The following ADAMTSL1 variants were observed in gnomAD, a reference collection of about 807,000 sequenced individuals.
The protein encoded by ADAMTSL1 is ADAMTS like 1.
ADAMTSL1 carries 126 observed loss-of-function variants against 201.8 expected under a neutral mutation model. The observed-to-expected ratio is 0.62, with a 90% CI of 0.54 to 0.72. ADAMTSL1 has a LOEUF of 0.72. Among genes scored for constraint, ADAMTSL1 ranks in the 30% least tolerant of loss-of-function variants. ADAMTSL1 has a pLI of 0.00. For synonymous variants in ADAMTSL1, 1,121 were observed against 903.4 expected, an observed-to-expected ratio of 1.24 and a Z score of -4.32; for missense variants, 2,679 against 2,277.8, an observed-to-expected ratio of 1.18 and a Z score of -3.59.
intron 2 of ADAMTSL1, among the ~76,000 whole-genome samples, chr9:18,251,521 C>G (rs1468552938): frequency 6.6e-6 from 1 of 152,102 alleles, no homozygotes; most frequent in East Asian, 1.9e-4. Flanking sequence ...ATTATAAATG[C>G]TTATCCTTTA....
intron 1 of ADAMTSL1, among the ~76,000 whole-genome samples, chr9:18,150,568 A>G (rs1826863577): frequency 6.6e-6 from 1 of 152,062 alleles, no homozygotes; most frequent in African/African-American, 2.4e-5. Flanking sequence ...GAAAGGAAGG[A>G]AAACCTTTGG....
intron 2 of ADAMTSL1, among the ~76,000 whole-genome samples, chr9:18,445,424 A>G (rs1210804623): frequency 6.6e-6 from 1 of 152,160 alleles, no homozygotes; most frequent in Non-Finnish European, 1.5e-5. Context: ...ATACAAAATG[A>G]TACCCTTGTG....
intron 2 of ADAMTSL1, among the ~76,000 whole-genome samples, chr9:18,174,289 T>C (rs1828039310): frequency 6.6e-6 from 1 of 152,166 alleles, no homozygotes; most frequent in Non-Finnish European, 1.5e-5. Flanking sequence ...ATGCCTATCC[T>C]AAATAGACCA....
chr9:18,486,065 G>C (rs914479571), intron 1 of ADAMTSL1, among the ~76,000 whole-genome samples: 2 of 152,162 alleles, frequency 1.3e-5, no homozygotes, highest in African/African-American at 4.8e-5. Flanking sequence ...GTGCCAGCTG[G>C]GTGCTAGGGT....
intron 1 of ADAMTSL1, among the ~76,000 whole-genome samples, chr9:18,031,751 C>T (rs1313545185): frequency 1.3e-5 from 2 of 152,164 alleles, no homozygotes; most frequent in African/African-American, 2.4e-5. Flanking sequence ...CTGCATTCTC[C>T]CCTCCTTTAG....
At chr9:18,493,996 A>T (rs1205206373) in intron 1 of ADAMTSL1, among the ~76,000 whole-genome samples, 1 of 152,232 alleles carries the variant, frequency 6.6e-6, no homozygotes, top group East Asian at 1.9e-4. Context: ...TGTGTAAACA[A>T]GTAACTATAC....
At chr9:18,809,548 G>C (rs1823374638) in intron 20 of ADAMTSL1, among the ~76,000 whole-genome samples, 1 of 152,192 alleles carries the variant, frequency 6.6e-6, no homozygotes, top group South Asian at 2.1e-4. Flanking sequence ...CCAGCACTTT[G>C]GGAGGCCAAA....
chr9:17,928,014 A>G (rs1004411979), intron 1 of ADAMTSL1, among the ~76,000 whole-genome samples: 8 of 131,312 alleles, frequency 6.1e-5, no homozygotes, highest in African/African-American at 2.3e-4. Flanking sequence ...TTTTTTTTTG[A>G]GACAGGGTCT....
In ADAMTSL1 at chr9:18,882,508, C is replaced by A. The variant is rs150416756; in HGVS notation, c.4250-5323C>A. On this transcript the variant is annotated intron_variant, in intron 23 of 28. Coordinates refer to ENST00000380548, the MANE Select transcript of ADAMTSL1 (RefSeq NM_001040272.6). ...GGAACGAGCATTTTACTCCAGGCTA[C>A]AATTAGGGTTGGAGGGTATAGGTGC... 1.6e-4 allele frequency among the ~76,000 whole-genome samples: 24 copies of A among 152,250 alleles called. No homozygotes were observed. The East Asian group carries it at 4.2e-3, about 27-fold the overall frequency.
intron 6 of ADAMTSL1, 144 bp from the exon 7 acceptor site, chr9:18,639,110 T>A (rs1827282604): frequency 1.4e-6 from 1 of 716,998 alleles, no homozygotes; most frequent in Non-Finnish European, 2.3e-6. Context: ...TATAGTTTGT[T>A]GATATCACAA....
At chr9:18,572,564 C>A (rs1181469640) in intron 3 of ADAMTSL1, among the ~76,000 whole-genome samples, 1 of 152,030 alleles carries the variant, frequency 6.6e-6, no homozygotes. Flanking sequence ...AGTAAAATGT[C>A]TTTGACATTT....
Position 18,908,735 on chromosome 9 carries a change from G to A in ADAMTSL1, c.*187G>A, listed in dbSNP as rs1475775666. ...GTCCGCGTGTTTTCTCTTTCAGTTA[G>A]CTGGAGGACAGGATGTTGGGAAAGG... On this transcript the variant is annotated 3_prime_UTR_variant, in exon 29 of 29. Transcript: ENST00000380548. 1.8e-6 allele frequency: 1 copy of A among 553,326 alleles called. No homozygotes were observed. The highest frequency in any genetic ancestry group is 3.2e-6 in the Non-Finnish European group (1 of 309,622). 34.3% of individuals were successfully genotyped at this position (553,326 alleles called of 1,614,324 possible). A position where few individuals can be genotyped will look rare whatever the true frequency, so the allele number is the denominator to read the frequency against.
chr9:18,275,877 C>G (rs1039631323), intron 2 of ADAMTSL1, among the ~76,000 whole-genome samples: 1 of 152,014 alleles, frequency 6.6e-6, no homozygotes, highest in Non-Finnish European at 1.5e-5. Flanking sequence ...TAAATCCTAC[C>G]TCAGGGTAGG....
chr9:18,161,463 A>T (rs1290367515), intron 1 of ADAMTSL1, among the ~76,000 whole-genome samples: 1 of 152,080 alleles, frequency 6.6e-6, no homozygotes, highest in Non-Finnish European at 1.5e-5. Context: ...TGGATTTTTG[A>T]AGAAATGTTT....
At chr9:18,146,823 A>T (rs539541753) in intron 1 of ADAMTSL1, among the ~76,000 whole-genome samples, 1 of 152,144 alleles carries the variant, frequency 6.6e-6, no homozygotes, top group African/African-American at 2.4e-5. Flanking sequence ...ATTGAAAAAT[A>T]TTACAAGAAT....
chr9:17,997,821 G>GA (rs576091137), intron 1 of ADAMTSL1, among the ~76,000 whole-genome samples: 2 of 151,918 alleles, frequency 1.3e-5, no homozygotes, highest in Non-Finnish European at 2.9e-5. Flanking sequence ...AAAATTTGGG[G>GA]AAAAAAATCA....
intron 4 of ADAMTSL1, among the ~76,000 whole-genome samples, chr9:18,607,726 C>T (rs533542841): frequency 4.6e-5 from 7 of 152,072 alleles, no homozygotes; most frequent in Admixed American, 2.6e-4. Flanking sequence ...ATCCCTCCCC[C>T]CTACCCCCAC....
intron 14 of ADAMTSL1, chr9:18,718,304 T>A: frequency 2.7e-6 from 2 of 747,698 alleles, no homozygotes; most frequent in Non-Finnish European, 5.0e-6. Flanking sequence ...CAAAGCCTTG[T>A]CCATTTCTCA....
At chr9:17,943,200 C>T (rs1007404363) in intron 1 of ADAMTSL1, among the ~76,000 whole-genome samples, 1 of 152,092 alleles carries the variant, frequency 6.6e-6, no homozygotes, top group African/African-American at 2.4e-5. Context: ...CCTTGGCCTC[C>T]CAAAGTGCTG....
Sources: gnomAD v4.1 joint callset for allele counts (sites outside exome capture counted in the v4.1 genomes callset) on GRCh38, gnomAD v4.1.1 for gene constraint, MANE v1.5 for transcripts, NCBI Gene and HGNC (gene_info 2026-07-23, HGNC 2026-07-21) for gene names.